The following IGSF10 variants were observed in gnomAD, a reference collection of about 807,000 sequenced individuals.
IGSF10 encodes the protein calvaria mechanical force protein 608.
In IGSF10, 126 loss-of-function variants were observed where a neutral mutation model predicts 128.2. The ratio of observed to expected loss-of-function variants is 0.98; its 90% CI spans 0.85 to 1.14. IGSF10 has a LOEUF of 1.14. Among genes scored for constraint, IGSF10 ranks in the 50% most tolerant of loss-of-function variants. IGSF10 has a pLI of 0.00. For missense variants in IGSF10, 3,295 were observed against 3,149.8 expected (o/e 1.05, Z -1.10); for synonymous variants, 1,185 against 1,146.2 (o/e 1.03, Z -0.68).
At chr3:151,498,956 A>G in the IGSF10 span, among the ~76,000 whole-genome samples, 3 of 152,140 alleles carry the variant, frequency 2.0e-5, no homozygotes, top group African/African-American at 4.8e-5. Context: ...TGTTTTTAAT[A>G]GGATTTTTTT....
chr3:151,584,304 G>A, the IGSF10 span, among the ~76,000 whole-genome samples: 30 of 152,086 alleles, frequency 2.0e-4, no homozygotes, highest in East Asian at 5.0e-3. Context: ...ACATCTTTCC[G>A]TACCCTTTTT....
the IGSF10 span, among the ~76,000 whole-genome samples, chr3:151,572,698 T>G: frequency 6.6e-6 from 1 of 150,568 alleles, no homozygotes; most frequent in South Asian, 2.1e-4. Flanking sequence ...TTTTGAAGGG[T>G]TTTTTTGTGT....
Position 151,437,076 on chromosome 3 carries a change from T to A in IGSF10, c.7485A>T (p.Glu2495Asp), listed in dbSNP as rs1560168418. The change falls in exon 8 of 8, where the codon GAA becomes GAT. Residue 2495 changes from glutamate (E) to aspartate (D), a missense_variant. Glu to Asp is a conservative substitution (Grantham distance 45, BLOSUM62 2). Transcript: ENST00000282466. ...LHDNGTLVIKEATAYDRGNYI... is the reference protein window; with the variant it reads ...LHDNGTLVIKDATAYDRGNYI... ...AGTTTCCTCTGTCATAAGCTGTTGCTTCTTTAATGACTAAGGTGCCATTGT... is the reference window on the plus strand; with the variant it reads ...AGTTTCCTCTGTCATAAGCTGTTGCATCTTTAATGACTAAGGTGCCATTGT... The A allele has an allele frequency of 1.2e-6, 2 of 1,614,110 alleles. No homozygotes were observed. The highest frequency in any genetic ancestry group is 1.7e-6 in the Non-Finnish European group (2 of 1,180,034).
At position 151,448,983 on chromosome 3, in the gene IGSF10, C is replaced by T; in HGVS notation, c.998G>A (p.Ser333Asn). The T allele has an allele frequency of 6.2e-7, 1 of 1,614,230 alleles. No homozygotes were observed. ...QSGNEANMVC[S>N]IQKPSRTSPI... Reference sequence around the variant, plus strand: ...TGATGTCCTTGAGGGCTTTTGAATACTGCAGACCATGTTAGCTTCATTTCC... The same window carrying T: ...TGATGTCCTTGAGGGCTTTTGAATATTGCAGACCATGTTAGCTTCATTTCC... Residue 333 changes from serine to asparagine, a missense_variant, in exon 6 of 8, where the codon AGT becomes AAT. Transcript: ENST00000282466.
the IGSF10 span, among the ~76,000 whole-genome samples, chr3:151,561,228 T>C: frequency 2.0e-5 from 3 of 152,168 alleles, no homozygotes; most frequent in Non-Finnish European, 2.9e-5. Flanking sequence ...CTAAAAGTTT[T>C]TGATAATTTT....
rs1294241787 is a variant in IGSF10 at position 151,438,416 on chromosome 3, G to A, written c.6145C>T (p.Gln2049Ter). Residue 2049 changes from glutamine (Q) to a stop codon, truncating the protein, a stop_gained, in exon 8 of 8, where the codon CAA becomes TAA. Transcript: ENST00000282466. LOFTEE classifies it low-confidence loss of function (END_TRUNC). The stretch of plus-strand genomic sequence containing the variant: ...TGGAAATCTTTCCCATGGAGCACTT[G>A]CTTTCTAAAATACTGCTTGTGGTCA... ...KIDHKQYFRK[Q>*]VLHGKDFQVD... is the part of the protein sequence containing the mutation. The A allele has an allele frequency of 6.2e-7, 1 of 1,614,128 alleles. No individual in the cohort carries two copies. The highest frequency in any genetic ancestry group is 8.5e-7 in the Non-Finnish European group (1 of 1,180,038).
intron 7 of IGSF10, among the ~76,000 whole-genome samples, chr3:151,441,977 C>T (rs917864821): frequency 9.9e-5 from 15 of 152,156 alleles, no homozygotes; most frequent in African/African-American, 2.4e-4. Context: ...AGGAGAATGG[C>T]GTGAACCTGG....
the IGSF10 span, among the ~76,000 whole-genome samples, chr3:151,590,963 C>T: frequency 4.4e-4 from 67 of 152,026 alleles, no homozygotes; most frequent in Admixed American, 2.9e-3. Flanking sequence ...AGGGAAAAGA[C>T]ATTAGGAAAG....
At chr3:151,582,296 G>GGA in the IGSF10 span, among the ~76,000 whole-genome samples, 2 of 112,502 alleles carry the variant, frequency 1.8e-5, no homozygotes, top group African/African-American at 3.5e-5. Context: ...AATATCCGGG[G>GGA]GGGGGGGCGG....
the IGSF10 span, among the ~76,000 whole-genome samples, chr3:151,605,912 G>C: frequency 1.3e-5 from 2 of 152,272 alleles, no homozygotes; most frequent in Admixed American, 1.3e-4. Flanking sequence ...AGATTTTTGG[G>C]CCTCACCCCC....
At position 151,448,776 on chromosome 3, in the gene IGSF10, T is replaced by C. The variant is rs748291996; in HGVS notation, c.1205A>G (p.Tyr402Cys). The change falls in exon 6 of 8, where the codon TAC becomes TGC. Residue 402 changes from tyrosine (Y) to cysteine (C), a missense_variant. Transcript: ENST00000282466. ...HLLSETPQLY[Y>C]KYKQVAPKPE... Reference sequence around the variant, plus strand: ...CTTAGGAGCCACCTGTTTATATTTGTAATAGAGCTGCGGTGTTTCACTAAG... The same window carrying C: ...CTTAGGAGCCACCTGTTTATATTTGCAATAGAGCTGCGGTGTTTCACTAAG... The C allele has an allele frequency of 6.2e-7, 1 of 1,613,768 alleles. No individual in the cohort carries two copies. The highest frequency in any genetic ancestry group is 1.7e-5 in the Admixed American group (1 of 60,010).
downstream of IGSF10, chr3:151,432,605 G>C: frequency 1.7e-6 from 1 of 581,880 alleles, no homozygotes; most frequent in Non-Finnish European, 3.1e-6. Flanking sequence ...CCCACCACAA[G>C]GGTTTTTCAG....
chr3:151,551,881 T>A, the IGSF10 span, among the ~76,000 whole-genome samples: 1 of 152,122 alleles, frequency 6.6e-6, no homozygotes, highest in Non-Finnish European at 1.5e-5. Flanking sequence ...GGAATTCTAG[T>A]CTTAGCTGTG....
chr3:151,535,002 G>C, the IGSF10 span, among the ~76,000 whole-genome samples: 1 of 151,716 alleles, frequency 6.6e-6, no homozygotes, highest in Non-Finnish European at 1.5e-5. Context: ...CAGTTTCTAT[G>C]GGTGTGATCT....
chr3:151,483,889 C>A, the IGSF10 span, among the ~76,000 whole-genome samples: 1 of 152,188 alleles, frequency 6.6e-6, no homozygotes, highest in Admixed American at 6.5e-5. Context: ...TGGGCAGACA[C>A]TGAGCTAGAT....
the IGSF10 span, among the ~76,000 whole-genome samples, chr3:151,540,730 C>T: frequency 6.6e-6 from 1 of 152,148 alleles, no homozygotes; most frequent in Non-Finnish European, 1.5e-5. Flanking sequence ...AAAGTGTTTA[C>T]TAGTTTATAC....
chr3:151,618,516 G>A, the IGSF10 span, among the ~76,000 whole-genome samples: 15 of 152,186 alleles, frequency 9.9e-5, no homozygotes, highest in African/African-American at 3.6e-4. Context: ...GGATCATGAG[G>A]TCAGGAGATC....
chr3:151,551,837 G>A, the IGSF10 span, among the ~76,000 whole-genome samples: 2 of 152,110 alleles, frequency 1.3e-5, no homozygotes, highest in South Asian at 4.2e-4. Context: ...ACAAAATCTA[G>A]AGCCTATATT....
At chr3:151,564,545 C>G in the IGSF10 span, among the ~76,000 whole-genome samples, 2 of 152,038 alleles carry the variant, frequency 1.3e-5, no homozygotes, top group African/African-American at 4.8e-5. Flanking sequence ...CAGAAGGAAG[C>G]ATTGGGTTTG....
Sources: allele counts gnomAD v4.1 joint callset (sites outside exome capture counted in the v4.1 genomes callset), GRCh38; gene constraint gnomAD v4.1.1; transcripts MANE v1.5; gene names NCBI Gene and HGNC (gene_info 2026-07-23, HGNC 2026-07-21).